Variants in NFIA observed in about 807,000 individuals in gnomAD.
NFIA encodes nuclear factor 1 A-type.
NFIA carries 8 observed loss-of-function variants against 62.8 expected under a neutral mutation model. The observed-to-expected ratio is 0.13, with a 90% CI of 0.07 to 0.23. The LOEUF (loss-of-function observed/expected upper bound fraction) is 0.23. Among genes scored for constraint, NFIA ranks in the 10% least tolerant of loss-of-function variants. The probability of loss-of-function intolerance (pLI) is 1.00; values close to 1 mark genes in which losing one functional copy is unlikely to be tolerated. For missense variants in NFIA, 410 were observed against 642.1 expected, an observed-to-expected ratio of 0.64 and a Z score of 3.91; for synonymous variants, 235 against 238.1, an observed-to-expected ratio of 0.99 and a Z score of 0.12.
chr1:61,097,500 G>A lies in NFIA; in HGVS notation c.559+8820G>A, dbSNP rs565284845. ...TGTAATTTTGCCAGCCAGTGATTGGGTAGTACATTGCATTCATGCTGTTGG... is the reference window on the plus strand; with the variant it reads ...TGTAATTTTGCCAGCCAGTGATTGGATAGTACATTGCATTCATGCTGTTGG... On this transcript the variant is annotated intron_variant, in intron 2 of 10. Transcript: ENST00000403491. Among the ~76,000 whole-genome samples the A allele has an allele frequency of 5.9e-5, 9 of 152,310 alleles. No individual in the cohort carries two copies. In the East Asian group the frequency reaches 1.7e-3, roughly 29 times the overall value.
intron 2 of NFIA, among the ~76,000 whole-genome samples, chr1:61,127,608 T>C (rs879324811): frequency 5.3e-5 from 8 of 152,146 alleles, no homozygotes; most frequent in Admixed American, 2.0e-4. Flanking sequence ...CCAGAAGATA[T>C]GGTGAATGGT....
intron 1 of NFIA, among the ~76,000 whole-genome samples, chr1:61,084,257 T>C (rs1456901607): frequency 6.6e-6 from 1 of 152,238 alleles, no homozygotes; most frequent in Non-Finnish European, 1.5e-5. Context: ...AGATTCTGGA[T>C]TTATTTCCCA....
intron 3 of NFIA, among the ~76,000 whole-genome samples, chr1:61,317,199 A>G (rs966693529): frequency 3.9e-5 from 6 of 152,248 alleles, no homozygotes; most frequent in African/African-American, 1.4e-4. Context: ...AAAGGAGGCC[A>G]TTTTTAATTC....
At chr1:61,139,119 A>G (rs1385799658) in intron 2 of NFIA, among the ~76,000 whole-genome samples, 1 of 152,144 alleles carries the variant, frequency 6.6e-6, no homozygotes, top group Non-Finnish European at 1.5e-5. Flanking sequence ...CGGAGGTTGC[A>G]GTGAGCTAAG....
At chr1:61,387,468 CTTTT>C (rs33965994) in intron 7 of NFIA, among the ~76,000 whole-genome samples, 244 of 95,480 alleles carry the variant, frequency 2.6e-3, no homozygotes, top group Middle Eastern at 0.013. Context: ...CAAGCACTTT[CTTTT>C]TTTTTTTTTT....
In NFIA at chr1:61,128,915, G is replaced by GTTTTTT. The variant is rs10635152; in HGVS notation, c.559+40255_559+40260dup. 1.9e-3 allele frequency among the ~76,000 whole-genome samples: 140 copies of GTTTTTT among 74,130 alleles called. 15 individuals are homozygous for GTTTTTT. Among genetic ancestry groups the GTTTTTT allele is most frequent in the Non-Finnish European group, 2.2e-3 (98 of 44,328 alleles). 48.6% of individuals were successfully genotyped at this position (74,130 alleles called of 152,430 possible). Reference sequence around the variant, plus strand: ...CCAGCCAATGGTGATGCTTACTTATGTTTTTTTTTTTTTTTTTTTTTTTTT... The same window carrying GTTTTTT: ...CCAGCCAATGGTGATGCTTACTTATGTTTTTTTTTTTTTTTTTTTTTTTTTTTTTTT... On this transcript the variant is annotated intron_variant, in intron 2 of 10. Coordinates refer to ENST00000403491, the MANE Select transcript of NFIA (RefSeq NM_001134673.4).
chr1:61,265,576 G>A (rs1225337284), intron 2 of NFIA, among the ~76,000 whole-genome samples: 1 of 152,066 alleles, frequency 6.6e-6, no homozygotes, highest in Non-Finnish European at 1.5e-5. Flanking sequence ...ATTTGTTATA[G>A]GTTCAAAAAC....
At chr1:61,159,545 G>C (rs1349614754) in intron 2 of NFIA, among the ~76,000 whole-genome samples, 2 of 152,046 alleles carry the variant, frequency 1.3e-5, no homozygotes, top group African/African-American at 4.8e-5. Flanking sequence ...TTACCACTTA[G>C]CTAACTTTGT....
chr1:61,080,204 C>A (rs569033507), upstream of NFIA, among the ~76,000 whole-genome samples: 5 of 152,014 alleles, frequency 3.3e-5, no homozygotes, highest in African/African-American at 9.7e-5. Flanking sequence ...CCGCAGAAAG[C>A]TGGAAATCGC....
intron 2 of NFIA, among the ~76,000 whole-genome samples, chr1:61,109,685 T>G (rs1646663514): frequency 6.6e-6 from 1 of 151,950 alleles, no homozygotes; most frequent in South Asian, 2.1e-4. Context: ...ATAACATTCT[T>G]AATATATTGA....
chr1:61,083,239 C>T (rs1373009993), intron 1 of NFIA, among the ~76,000 whole-genome samples: 2 of 152,068 alleles, frequency 1.3e-5, no homozygotes, highest in African/African-American at 2.4e-5. Context: ...TCCGTAGTGC[C>T]GCAGCGCCCG....
intron 2 of NFIA, among the ~76,000 whole-genome samples, chr1:61,244,353 T>C (rs1376292731): frequency 6.6e-6 from 1 of 152,220 alleles, no homozygotes; most frequent in Admixed American, 6.6e-5. Flanking sequence ...CTCTCTATTT[T>C]ATTTAGTGTC....
chr1:61,150,959 AAAG>A (rs1208581068), intron 2 of NFIA, among the ~76,000 whole-genome samples: 10 of 152,174 alleles, frequency 6.6e-5, no homozygotes, highest in Non-Finnish European at 1.5e-4. Flanking sequence ...GACAGTTTTC[AAAG>A]AAGAGGGATT....
intron 7 of NFIA, among the ~76,000 whole-genome samples, chr1:61,388,391 C>T: frequency 6.6e-6 from 1 of 152,144 alleles, no homozygotes; most frequent in East Asian, 1.9e-4. Context: ...CTTTCTTCAT[C>T]CCTTTGCCTT....
At chr1:61,375,240 T>C (rs1305978447) in intron 6 of NFIA, among the ~76,000 whole-genome samples, 1 of 152,162 alleles carries the variant, frequency 6.6e-6, no homozygotes, top group Non-Finnish European at 1.5e-5. Flanking sequence ...TGATGGTGGA[T>C]GACTTGCAAA....
At chr1:61,322,646 G>A (rs1660736158) in intron 3 of NFIA, among the ~76,000 whole-genome samples, 1 of 152,152 alleles carries the variant, frequency 6.6e-6, no homozygotes, top group South Asian at 2.1e-4. Context: ...GTGCTTTCTG[G>A]CTATCAACCA....
intron 2 of NFIA, among the ~76,000 whole-genome samples, chr1:61,199,771 G>A (rs1041173451): frequency 1.1e-4 from 17 of 151,548 alleles, no homozygotes; most frequent in Non-Finnish European, 1.8e-4. Flanking sequence ...GAGGTAGGTG[G>A]GTCACTTGAG....
intron 2 of NFIA, among the ~76,000 whole-genome samples, chr1:61,207,048 G>C (rs1424603970): frequency 2.0e-5 from 3 of 152,184 alleles, no homozygotes; most frequent in African/African-American, 7.2e-5. Context: ...TTATGACAAT[G>C]AAGAAGGCCA....
chr1:61,102,277 T>C (rs959330263), intron 2 of NFIA, among the ~76,000 whole-genome samples: 1 of 152,204 alleles, frequency 6.6e-6, no homozygotes. Flanking sequence ...GAACTTGATA[T>C]AGTTCATGAG....
Sources: allele counts gnomAD v4.1 joint callset (sites outside exome capture counted in the v4.1 genomes callset), GRCh38; gene constraint gnomAD v4.1.1; transcripts MANE v1.5; gene names NCBI Gene and HGNC (gene_info 2026-07-23, HGNC 2026-07-21).